CCDC158: variants seen among roughly 807,000 people sequenced by gnomAD.
CCDC158 encodes coiled-coil domain containing 158.
In CCDC158, 116 loss-of-function variants were observed where a neutral mutation model predicts 138.6. The ratio of observed to expected loss-of-function variants is 0.84; its 90% CI spans 0.72 to 0.98. CCDC158 has a LOEUF of 0.98. CCDC158 is among the 50% of genes least tolerant of loss of function. The probability of loss-of-function intolerance (pLI) is 0.00; values close to 1 mark genes in which losing one functional copy is unlikely to be tolerated. For synonymous variants in CCDC158, 436 were observed against 442.4 expected, an observed-to-expected ratio of 0.99 and a Z score of 0.18; for missense variants, 1,265 against 1,306.1, an observed-to-expected ratio of 0.97 and a Z score of 0.48.
chr4:76,389,942 A>G (rs1298588799), intron 4 of CCDC158, among the ~76,000 whole-genome samples: 1 of 152,176 alleles, frequency 6.6e-6, no homozygotes, highest in Non-Finnish European at 1.5e-5. Flanking sequence ...ACACCAGACC[A>G]GACCCATCCT....
rs1264611084 is a variant in CCDC158 at position 76,367,406 on chromosome 4, T to C, written c.1718A>G (p.Asn573Ser). ...ATGCTGGCCCACCAGCTGTGTCATG[T>C]TCTCAATCTGCTGTCGCAGAATCTC... The part of the protein sequence containing the change: ...VIEILRQQIE[N>S]MTQLVGQHGR... The change falls in exon 12 of 25, where the codon AAC becomes AGC. Residue 573 changes from asparagine to serine, a missense_variant. Asn to Ser is a conservative substitution (Grantham distance 46, BLOSUM62 1). Transcript: ENST00000682701. The C allele has an allele frequency of 1.9e-6, 3 of 1,614,152 alleles. No individual in the cohort carries two copies. Among genetic ancestry groups the C allele is most frequent in the Non-Finnish European group, 2.5e-6 (3 of 1,180,056 alleles).
At chr4:76,382,895 C>G (rs999738601) in intron 7 of CCDC158, among the ~76,000 whole-genome samples, 175 bp from the exon 8 acceptor site, 1 of 152,108 alleles carries the variant, frequency 6.6e-6, no homozygotes, top group African/African-American at 2.4e-5. Flanking sequence ...TTATCCAAAT[C>G]TTTTGGGAGT....
chr4:76,316,555 A>C (rs1719407964), intron 24 of CCDC158, among the ~76,000 whole-genome samples: 1 of 152,160 alleles, frequency 6.6e-6, no homozygotes, highest in African/African-American at 2.4e-5. Flanking sequence ...CAATTGAGGA[A>C]AATTTCCCTA....
intron 18 of CCDC158, among the ~76,000 whole-genome samples, chr4:76,342,536 T>C (rs1722156394): frequency 6.6e-6 from 1 of 152,164 alleles, no homozygotes; most frequent in Non-Finnish European, 1.5e-5. Context: ...ATTATTAGAA[T>C]TGTAAAATAA....
intron 9 of CCDC158, among the ~76,000 whole-genome samples, chr4:76,378,488 A>G (rs1227089984): frequency 6.6e-6 from 1 of 152,182 alleles, no homozygotes; most frequent in Non-Finnish European, 1.5e-5. Context: ...TATAGACTTT[A>G]TCTTCCAAAT....
At position 76,324,111 on chromosome 4, in the gene CCDC158, A is replaced by G. The variant is rs1463339882; in HGVS notation, c.3170-702T>C. On this transcript the variant is annotated intron_variant, in intron 23 of 24. Coordinates refer to ENST00000682701, the MANE Select transcript of CCDC158 (RefSeq NM_001394954.1). ...TAATGGTTAATTTTCTTATCAAAAA[A>G]TACCCTTTTCATTACAGCATTCAAG... Among the ~76,000 whole-genome samples the G allele has an allele frequency of 2.6e-5, 4 of 152,210 alleles. No individual in the cohort carries two copies. The East Asian group carries it at 7.7e-4, about 29-fold the overall frequency.
chr4:76,379,269 A>C, intron 9 of CCDC158, 21 bp downstream of exon 9: 4 of 1,447,448 alleles, frequency 2.8e-6, no homozygotes, highest in South Asian at 1.3e-5. Context: ...CTAGAAACAG[A>C]CCAGCAAAAC....
chr4:76,397,658 A>G (rs1415951786), intron 3 of CCDC158, among the ~76,000 whole-genome samples: 3 of 152,240 alleles, frequency 2.0e-5, no homozygotes, highest in Admixed American at 6.5e-5. Context: ...GTCTTTGGAA[A>G]TTAGTGTTTT....
intron 3 of CCDC158, among the ~76,000 whole-genome samples, chr4:76,402,926 T>G (rs930455773): frequency 1.3e-5 from 2 of 152,188 alleles, no homozygotes; most frequent in Non-Finnish European, 2.9e-5. Context: ...CTGAAGTACT[T>G]CAATGTAGAA....
chr4:76,337,137 C>T (rs964591732), intron 18 of CCDC158, among the ~76,000 whole-genome samples: 14 of 152,118 alleles, frequency 9.2e-5, no homozygotes, highest in Non-Finnish European at 1.8e-4. Flanking sequence ...CATGCCACCA[C>T]ACCCGGCTAT....
Position 76,384,214 on chromosome 4 carries a change from T to C in CCDC158, c.600A>G (p.Ser200=), listed in dbSNP as rs760100969. The C allele has an allele frequency of 6.2e-7, 1 of 1,614,202 alleles. No individual in the cohort carries two copies. The highest frequency in any genetic ancestry group is 1.3e-5 in the African/African-American group (1 of 75,058). ...TGTCATGTTCACATATTTTTTTGCCTGAGGCTTCTTCAAAGTCAACTAGGA... is the reference window on the plus strand; with the variant it reads ...TGTCATGTTCACATATTTTTTTGCCCGAGGCTTCTTCAAAGTCAACTAGGA... The part of the protein sequence containing the change: ...RSILVDFEEA[S]GKKICEHDSM... Residue 200 remains serine, a synonymous_variant, in exon 6 of 25, where the codon TCA becomes TCG. Transcript: ENST00000682701.
intron 21 of CCDC158, among the ~76,000 whole-genome samples, chr4:76,330,376 G>GA (rs1194392686): frequency 1.8e-4 from 28 of 152,072 alleles, no homozygotes; most frequent in Non-Finnish European, 3.5e-4. Flanking sequence ...AAATCAACTG[G>GA]AAAATAAGAA....
chr4:76,334,275 A>G (rs879574100), intron 18 of CCDC158, 108 bp from the exon 19 acceptor site: 10 of 1,084,930 alleles, frequency 9.2e-6, no homozygotes, highest in Non-Finnish European at 1.3e-5. Flanking sequence ...AAGCAAGAAG[A>G]GGAAAACAAA....
chr4:76,340,686 A>G (rs1721966047), intron 18 of CCDC158, among the ~76,000 whole-genome samples: 1 of 151,940 alleles, frequency 6.6e-6, no homozygotes, highest in Non-Finnish European at 1.5e-5. Flanking sequence ...AGATGGGACC[A>G]TCTAGTTGCA....
chr4:76,318,242 A>G (rs1719600828), intron 24 of CCDC158, among the ~76,000 whole-genome samples: 1 of 152,180 alleles, frequency 6.6e-6, no homozygotes, highest in Non-Finnish European at 1.5e-5. Flanking sequence ...TTCTTTAAAA[A>G]GATAAAATTA....
intron 9 of CCDC158, chr4:76,375,551 C>T (rs763584070): frequency 2.4e-5 from 17 of 702,728 alleles, no homozygotes; most frequent in Middle Eastern, 2.3e-4. Flanking sequence ...TCAGCCCCAA[C>T]TGCTTTCAAA....
Position 76,396,542 on chromosome 4 carries a change from A to G in CCDC158, c.71-56T>C, listed in dbSNP as rs186333631. The G allele has an allele frequency of 2.5e-5, 33 of 1,332,272 alleles. No homozygotes were observed. The Admixed American group carries it at 6.2e-4, about 25-fold the overall frequency. 82.5% of individuals were successfully genotyped at this position (1,332,272 alleles called of 1,614,324 possible). On this transcript the variant is annotated intron_variant, in intron 3 of 24. Transcript: ENST00000682701. The stretch of plus-strand genomic sequence containing the variant: ...TTCGTTTTTTTTGAGAAGGAGTTTC[A>G]CTGTTATTGCCCAGGCTGGAGTGCA...
rs775194200 is a variant in CCDC158 at position 76,313,215 on chromosome 4, C to G, written c.3309G>C (p.Lys1103Asn). 22 of 1,608,620 alleles carry G rather than the reference C, an allele frequency of 1.4e-5. No individual in the cohort carries two copies. The South Asian group carries it at 2.3e-4, about 17-fold the overall frequency. ...AMSSMIRNQE[K>N]RIQKVKDQEK... is the part of the protein sequence containing the mutation. ...CCTGGTCTTTTACTTTCTGTATCCT[C>G]TTTTCTTGATTTCTGATCATTGAAG... is the stretch of plus-strand genomic sequence containing the variant. The change falls in exon 25 of 25, where the codon AAG (lysine) becomes AAC (asparagine). Residue 1103 changes from lysine to asparagine, a missense_variant. Transcript: ENST00000682701.
At chr4:76,386,123 C>T (rs972677329) in intron 4 of CCDC158, among the ~76,000 whole-genome samples, 2 of 152,106 alleles carry the variant, frequency 1.3e-5, no homozygotes, top group Non-Finnish European at 2.9e-5. Flanking sequence ...AGAAGCAGAT[C>T]GAGAAAGAAG....
Sources: allele counts gnomAD v4.1 joint callset (sites outside exome capture counted in the v4.1 genomes callset), GRCh38; gene constraint gnomAD v4.1.1; transcripts MANE v1.5; gene names NCBI Gene and HGNC (gene_info 2026-07-23, HGNC 2026-07-21).